The following PCDHA4 variants were observed in gnomAD, a reference collection of about 807,000 sequenced individuals.
PCDHA4 encodes the protein protocadherin alpha 4, also known as protocadherin alpha-4.
PCDHA4 carries 49 observed loss-of-function variants against 61.4 expected under a neutral mutation model. The ratio of observed to expected loss-of-function variants is 0.80; its 90% CI spans 0.63 to 1.01. The LOEUF (loss-of-function observed/expected upper bound fraction) is 1.01, where lower values mean the gene tolerates loss of function less well. Ranked by LOEUF, PCDHA4 falls within the 50% of genes least tolerant of loss-of-function variation. PCDHA4 has a pLI of 0.00. For synonymous variants in PCDHA4, 590 were observed against 550.3 expected, an observed-to-expected ratio of 1.07 and a Z score of -1.01; for missense variants, 1,254 against 1,235.8, an observed-to-expected ratio of 1.01 and a Z score of -0.22.
At chr5:140,839,704 A>G (rs1229800703) in intron 1 of PCDHA4, among the ~76,000 whole-genome samples, 4 of 152,070 alleles carry the variant, frequency 2.6e-5, no homozygotes, top group Admixed American at 6.6e-5. Context: ...AAATAATGTG[A>G]TGACAAATTT....
At chr5:140,881,791 T>C (rs1487248430) in intron 1 of PCDHA4, among the ~76,000 whole-genome samples, 9 of 152,204 alleles carry the variant, frequency 5.9e-5, no homozygotes, top group Admixed American at 5.9e-4. Context: ...CGATCAATTG[T>C]CCCAAAACGA....
At chr5:140,868,397 GATATGAA>G (rs1182982921) in intron 1 of PCDHA4, 2 of 152,062 alleles carry the variant, frequency 1.3e-5, no homozygotes, top group African/African-American at 2.4e-5. Flanking sequence ...ATAGAAAATA[GATATGAA>G]AATGCAAGCC....
chr5:140,838,539 A>G (rs1185872182), intron 1 of PCDHA4, among the ~76,000 whole-genome samples: 1 of 151,946 alleles, frequency 6.6e-6, no homozygotes, highest in Admixed American at 6.6e-5. Context: ...TTATGGATAT[A>G]TCATGATTTA....
At position 140,858,282 on chromosome 5, in the gene PCDHA4, G is replaced by T. The variant is rs782040852; in HGVS notation, c.2385+48710G>T. On this transcript the variant is annotated intron_variant, in intron 1 of 3. Coordinates refer to ENST00000530339, the MANE Select transcript of PCDHA4 (RefSeq NM_018907.4). ...CTGGTGTGCTCTAGCGCGGTGGGGA[G>T]CTGGTCTTACTCGCAGCAGAGGCGG... 2.5e-6 allele frequency: 4 copies of T among 1,597,480 alleles called. No homozygotes were observed. The highest frequency in any genetic ancestry group is 3.4e-6 in the Non-Finnish European group (4 of 1,167,300).
rs2098415068 is a variant in PCDHA4, at chr5:141,009,865, AAAG to A, written c.2779_2781del (p.Lys927del). The A allele has an allele frequency of 3.1e-6, 5 of 1,614,074 alleles. No homozygotes were observed. The highest frequency in any genetic ancestry group is 4.5e-5 in the East Asian group (2 of 44,872). On this transcript the variant is annotated inframe_deletion, in exon 4 of 4. Transcript: ENST00000530339. ...AGGAGGAGACCAAGAAAAAGAAGAA[AAAG>A]AAGAAGGGTAACAAGACCCAGGAGA...
chr5:140,965,238 A>G (rs540671197), intron 1 of PCDHA4, among the ~76,000 whole-genome samples: 3 of 152,196 alleles, frequency 2.0e-5, no homozygotes, highest in Non-Finnish European at 2.9e-5. Context: ...ACCTGGGAAG[A>G]GTGAATATTC....
At chr5:140,816,705 A>G (rs1369370145) in intron 1 of PCDHA4, 1 of 152,194 alleles carries the variant, frequency 6.6e-6, no homozygotes. Flanking sequence ...CAGGCTGGCT[A>G]GAGATTCTAG....
intron 1 of PCDHA4, among the ~76,000 whole-genome samples, chr5:140,893,592 C>G (rs2064074430): frequency 6.6e-6 from 1 of 152,154 alleles, no homozygotes; most frequent in Non-Finnish European, 1.5e-5. Flanking sequence ...TTGGGAAATA[C>G]TTTATTTCTC....
At chr5:140,944,226 C>T (rs988249626) in intron 1 of PCDHA4, among the ~76,000 whole-genome samples, 3 of 152,126 alleles carry the variant, frequency 2.0e-5, no homozygotes, top group Admixed American at 2.0e-4. Flanking sequence ...TTTACTCTGT[C>T]GCTCAGGCTG....
At chr5:140,931,602 T>C (rs1192023680) in intron 1 of PCDHA4, among the ~76,000 whole-genome samples, 12 of 152,084 alleles carry the variant, frequency 7.9e-5, no homozygotes, top group Non-Finnish European at 1.2e-4. Flanking sequence ...TTTTCCATCA[T>C]TGTTGATATT....
intron 1 of PCDHA4, among the ~76,000 whole-genome samples, chr5:140,907,751 A>T (rs1443394789): frequency 1.3e-5 from 2 of 152,134 alleles, no homozygotes; most frequent in African/African-American, 4.8e-5. Context: ...CACTTTGTTC[A>T]TGGGCCCATT....
At chr5:140,952,962 C>A (rs246032) in intron 1 of PCDHA4, among the ~76,000 whole-genome samples, 85,448 of 151,620 alleles carry the variant, frequency 0.56, 24,697 homozygotes, top group African/African-American at 0.69. Context: ...GGAAGTGATA[C>A]ACACTTTTAA....
intron 1 of PCDHA4, among the ~76,000 whole-genome samples, chr5:140,888,289 C>T (rs543077496): frequency 1.3e-5 from 2 of 152,246 alleles, no homozygotes; most frequent in Admixed American, 1.3e-4. Flanking sequence ...CCTCTACCCC[C>T]TACCCAGGAG....
intron 1 of PCDHA4, chr5:140,829,433 A>T: frequency 6.2e-7 from 1 of 1,614,022 alleles, no homozygotes; most frequent in Non-Finnish European, 8.5e-7. Context: ...GGTGGCCGAC[A>T]TGAATGACAA....
chr5:140,969,214 A>G (rs906572071), intron 1 of PCDHA4: 5 of 1,614,194 alleles, frequency 3.1e-6, no homozygotes, highest in Non-Finnish European at 4.2e-6. Context: ...CCCAGACAGG[A>G]CCAGGGCCTT....
At chr5:140,937,332 C>A (rs1003482242) in intron 1 of PCDHA4, among the ~76,000 whole-genome samples, 1 of 152,094 alleles carries the variant, frequency 6.6e-6, no homozygotes, top group Non-Finnish European at 1.5e-5. Flanking sequence ...CCACCGCGCC[C>A]GGCTTCTTCC....
chr5:140,928,861 A>C (rs781787998), intron 1 of PCDHA4: 3 of 1,614,164 alleles, frequency 1.9e-6, no homozygotes, highest in Non-Finnish European at 2.5e-6. Context: ...TGTGCTGTTG[A>C]GCAACTCTGT....
intron 1 of PCDHA4, chr5:140,968,796 C>G (rs2096270881): frequency 6.2e-7 from 1 of 1,614,220 alleles, no homozygotes; most frequent in East Asian, 2.2e-5. Context: ...GTGGCCATTA[C>G]AGTAGCTGTG....
intron 1 of PCDHA4, among the ~76,000 whole-genome samples, chr5:140,941,202 C>CTTTCTTTCTTTCTTTCTTTCTTT (rs1554213921): frequency 9.0e-5 from 11 of 122,780 alleles, no homozygotes; most frequent in East Asian, 8.9e-4. Flanking sequence ...TTTCTTTCTT[C>CTTTCTTTCTTTCTTTCTTTCTTT]CTTTCTTTCT....
Sources: allele counts gnomAD v4.1 joint callset (sites outside exome capture counted in the v4.1 genomes callset), GRCh38; gene constraint gnomAD v4.1.1; transcripts MANE v1.5; gene names NCBI Gene and HGNC (gene_info 2026-07-23, HGNC 2026-07-21).